CLSTN2: variants seen among roughly 807,000 people sequenced by gnomAD.
CLSTN2 encodes calsyntenin-2.
CLSTN2 carries 48 observed loss-of-function variants against 101.2 expected under a neutral mutation model. The ratio of observed to expected loss-of-function variants is 0.47; its 90% confidence interval spans 0.38 to 0.60. CLSTN2 has a LOEUF of 0.60. Among genes scored for constraint, CLSTN2 ranks in the 20% least tolerant of loss-of-function variants. The pLI is 0.00. For synonymous variants in CLSTN2, 481 were observed against 463.6 expected, an observed-to-expected ratio of 1.04 and a Z score of -0.48; for missense variants, 1,160 against 1,238.2, an observed-to-expected ratio of 0.94 and a Z score of 0.95.
intron 2 of CLSTN2, among the ~76,000 whole-genome samples, chr3:140,371,123 A>G (rs987707442): frequency 2.2e-4 from 33 of 152,188 alleles, no homozygotes; most frequent in African/African-American, 7.5e-4. Flanking sequence ...TTCACAGGCA[A>G]TTCCCCTGGT....
intron 7 of CLSTN2, 125 bp downstream of exon 7, chr3:140,459,894 T>C: frequency 9.2e-7 from 1 of 1,084,504 alleles, no homozygotes; most frequent in Non-Finnish European, 1.4e-6. Flanking sequence ...AGAGGAACCC[T>C]GCCAATATAT....
intron 1 of CLSTN2, among the ~76,000 whole-genome samples, chr3:140,089,840 G>T (rs2008745579): frequency 6.6e-6 from 1 of 151,606 alleles, no homozygotes; most frequent in Non-Finnish European, 1.5e-5. Flanking sequence ...TCAAACTCCT[G>T]GGCTCAAGTG....
intron 1 of CLSTN2, among the ~76,000 whole-genome samples, chr3:140,007,295 G>T (rs1402098443): frequency 6.6e-6 from 1 of 152,208 alleles, no homozygotes; most frequent in African/African-American, 2.4e-5. Flanking sequence ...ATAACTAACT[G>T]GTGTGAGCCC....
At chr3:140,024,159 AGT>A (rs2007373447) in intron 1 of CLSTN2, among the ~76,000 whole-genome samples, 1 of 152,208 alleles carries the variant, frequency 6.6e-6, no homozygotes, top group Non-Finnish European at 1.5e-5. Flanking sequence ...TCAATGCAAG[AGT>A]GTATGTAAAG....
chr3:140,201,397 G>A (rs1178469597), intron 2 of CLSTN2, among the ~76,000 whole-genome samples: 1 of 152,156 alleles, frequency 6.6e-6, no homozygotes, highest in African/African-American at 2.4e-5. Context: ...CAGGTCTCAT[G>A]TGTAGGGGAA....
chr3:140,240,190 A>C (rs1235895656), intron 2 of CLSTN2, among the ~76,000 whole-genome samples: 4 of 9,138 alleles, frequency 4.4e-4, no homozygotes, highest in East Asian at 0.033. Context: ...ATATATATAT[A>C]TATATATATA....
intron 2 of CLSTN2, among the ~76,000 whole-genome samples, chr3:140,314,576 C>CT (rs113358103): frequency 2.5e-4 from 37 of 150,204 alleles, no homozygotes; most frequent in East Asian, 1.7e-3. Flanking sequence ...TCAGCCAGTG[C>CT]TTTTTTTTTT....
intron 1 of CLSTN2, among the ~76,000 whole-genome samples, chr3:140,164,824 C>T (rs2107821972): frequency 6.6e-6 from 1 of 152,264 alleles, no homozygotes; most frequent in South Asian, 2.1e-4. Flanking sequence ...GGATTGTCCA[C>T]ACTCTAAACA....
chr3:140,181,106 C>T (rs763434432), intron 2 of CLSTN2, among the ~76,000 whole-genome samples: 1 of 152,210 alleles, frequency 6.6e-6, no homozygotes, highest in Non-Finnish European at 1.5e-5. Context: ...TTGGCCCAAA[C>T]TCACATAGGC....
At chr3:140,304,262 T>C (rs1227324980) in intron 2 of CLSTN2, among the ~76,000 whole-genome samples, 1 of 152,226 alleles carries the variant, frequency 6.6e-6, no homozygotes, top group African/African-American at 2.4e-5. Flanking sequence ...AAGTGAAGTC[T>C]TCTGCTGATG....
intron 2 of CLSTN2, among the ~76,000 whole-genome samples, chr3:140,396,316 G>A (rs2107973905): frequency 6.6e-6 from 1 of 152,240 alleles, no homozygotes; most frequent in South Asian, 2.1e-4. Context: ...ATAGGTGCAA[G>A]GTGCTTCAAG....
intron 1 of CLSTN2, among the ~76,000 whole-genome samples, chr3:140,105,175 TATG>T (rs1270629519): frequency 6.6e-6 from 1 of 152,224 alleles, no homozygotes; most frequent in Non-Finnish European, 1.5e-5. Flanking sequence ...TTCATCCTCT[TATG>T]ATATATCATC....
intron 1 of CLSTN2, among the ~76,000 whole-genome samples, chr3:140,135,497 A>G (rs1033991321): frequency 6.6e-6 from 1 of 152,182 alleles, no homozygotes; most frequent in Non-Finnish European, 1.5e-5. Context: ...CTCTACAAAC[A>G]AACTAGTTTG....
chr3:140,184,669 G>A (rs905271686), intron 2 of CLSTN2, among the ~76,000 whole-genome samples: 2 of 152,130 alleles, frequency 1.3e-5, no homozygotes, highest in Admixed American at 6.5e-5. Flanking sequence ...ACTAAAGGGC[G>A]TGGGGGGTAG....
At chr3:140,404,482 G>C (rs2088280726) in intron 3 of CLSTN2, 76 bp from the exon 4 acceptor site, 4 of 1,377,872 alleles carry the variant, frequency 2.9e-6, no homozygotes, top group Admixed American at 1.8e-5. Flanking sequence ...ACCTCAGTCA[G>C]TGCCCCCAGG....
chr3:140,002,824 T>C (rs1330261605), intron 1 of CLSTN2, among the ~76,000 whole-genome samples: 1 of 151,984 alleles, frequency 6.6e-6, no homozygotes, highest in Non-Finnish European at 1.5e-5. Context: ...GACTGTATTT[T>C]CCCCCCAATG....
intron 5 of CLSTN2, among the ~76,000 whole-genome samples, chr3:140,435,500 ATTAT>A (rs2108000528): frequency 6.6e-6 from 1 of 152,266 alleles, no homozygotes; most frequent in African/African-American, 2.4e-5. Flanking sequence ...CCAAATCTTA[ATTAT>A]TGTAGACAGT....
chr3:140,568,472 C>T lies in CLSTN2; in HGVS notation c.*2219C>T, dbSNP rs1459515833. On this transcript the variant is annotated 3_prime_UTR_variant, in exon 17 of 17. Transcript: ENST00000458420. Reference sequence around the variant, plus strand: ...ATATTTCTCCTGGGAATTCTCCCAACCAAATAGCCCTTTTCTATTAGGCTG... The same window carrying T: ...ATATTTCTCCTGGGAATTCTCCCAATCAAATAGCCCTTTTCTATTAGGCTG... The T allele has an allele frequency of 6.6e-6, 1 of 152,134 alleles. No individual in the cohort carries two copies. The highest frequency in any genetic ancestry group is 1.5e-5 in the Non-Finnish European group (1 of 68,020). 9.4% of individuals were successfully genotyped at this position (152,134 alleles called of 1,614,324 possible). A position where few individuals can be genotyped will look rare whatever the true frequency, so the allele number is the denominator to read the frequency against.
chr3:140,497,100 CA>C (rs57659394), intron 8 of CLSTN2, among the ~76,000 whole-genome samples: 1,788 of 87,968 alleles, frequency 0.02, 18 homozygotes, highest in African/African-American at 0.047. Flanking sequence ...GACTCCGTCT[CA>C]AAAAAAAAAA....
Sources: allele counts gnomAD v4.1 joint callset (sites outside exome capture counted in the v4.1 genomes callset), GRCh38; gene constraint gnomAD v4.1.1; transcripts MANE v1.5; gene names NCBI Gene and HGNC (gene_info 2026-07-23, HGNC 2026-07-21).